Variants in AGBL4 observed in about 807,000 individuals in gnomAD.
AGBL4 encodes the protein AGBL carboxypeptidase 4, also known as cytosolic carboxypeptidase 6.
In AGBL4, 58 loss-of-function variants were observed where a neutral mutation model predicts 66.4. The observed-to-expected ratio is 0.87, with a 90% confidence interval of 0.71 to 1.09. The LOEUF (loss-of-function observed/expected upper bound fraction) is 1.09, where lower values mean the gene tolerates loss of function less well. Among genes scored for constraint, AGBL4 ranks in the 50% least tolerant of loss-of-function variants. AGBL4 has a pLI of 0.00. For missense variants in AGBL4, 579 were observed against 631.0 expected, an observed-to-expected ratio of 0.92 and a Z score of 0.88; for synonymous variants, 234 against 222.9, an observed-to-expected ratio of 1.05 and a Z score of -0.44.
chr1:48,668,893 A>G (rs1646232126), intron 6 of AGBL4, among the ~76,000 whole-genome samples: 2 of 152,216 alleles, frequency 1.3e-5, no homozygotes, highest in South Asian at 4.1e-4. Flanking sequence ...ATATCAATAG[A>G]GCTTTCCTGG....
At chr1:49,591,557 T>C (rs1482659793) in intron 3 of AGBL4, among the ~76,000 whole-genome samples, 1 of 152,058 alleles carries the variant, frequency 6.6e-6, no homozygotes, top group African/African-American at 2.4e-5. Flanking sequence ...AAACTACCAA[T>C]GACATTCTTC....
intron 3 of AGBL4, among the ~76,000 whole-genome samples, chr1:49,654,089 C>T (rs1165470208): frequency 6.6e-6 from 1 of 152,084 alleles, no homozygotes; most frequent in African/African-American, 2.4e-5. Context: ...GCCAGGTCAC[C>T]TATAAAAGGA....
chr1:48,680,846 C>A (rs1451928443), intron 6 of AGBL4, among the ~76,000 whole-genome samples: 1 of 152,202 alleles, frequency 6.6e-6, no homozygotes, highest in Non-Finnish European at 1.5e-5. Context: ...GAGAGTGCAA[C>A]CTGGGGCAGA....
At chr1:49,374,876 G>A (rs2148560894) in intron 3 of AGBL4, among the ~76,000 whole-genome samples, 1 of 152,146 alleles carries the variant, frequency 6.6e-6, no homozygotes, top group South Asian at 2.1e-4. Context: ...CATACCTACA[G>A]TTAAACCTAT....
chr1:48,912,207 A>G (rs1653188557), intron 5 of AGBL4, among the ~76,000 whole-genome samples: 1 of 149,506 alleles, frequency 6.7e-6, no homozygotes, highest in Non-Finnish European at 1.5e-5. Flanking sequence ...CAATGTAAGC[A>G]TACCCTTAGA....
intron 4 of AGBL4, among the ~76,000 whole-genome samples, chr1:49,159,589 T>C (rs1474270056): frequency 1.3e-5 from 2 of 152,174 alleles, no homozygotes; most frequent in Non-Finnish European, 2.9e-5. Flanking sequence ...CTGTATTTCC[T>C]GAATTTGAAT....
chr1:48,945,572 A>G (rs1342413111), intron 5 of AGBL4, among the ~76,000 whole-genome samples: 1 of 152,252 alleles, frequency 6.6e-6, no homozygotes, highest in African/African-American at 2.4e-5. Flanking sequence ...AGTTGTGAGC[A>G]TTAAGTGAGA....
At chr1:49,894,491 G>C (rs1648973403) in intron 1 of AGBL4, among the ~76,000 whole-genome samples, 2 of 152,054 alleles carry the variant, frequency 1.3e-5, no homozygotes, top group African/African-American at 4.8e-5. Flanking sequence ...GCTGTTTTAA[G>C]GAAACTCGAA....
intron 6 of AGBL4, among the ~76,000 whole-genome samples, chr1:48,772,174 G>C (rs768167794): frequency 1.3e-5 from 2 of 152,226 alleles, no homozygotes; most frequent in Admixed American, 6.5e-5. Flanking sequence ...GGCAGGAAGA[G>C]AGGCACATTC....
In AGBL4 at chr1:49,436,779, C is replaced by T. The variant is rs1645913935; in HGVS notation, c.283-190915G>A. On this transcript the variant is annotated intron_variant, in intron 3 of 13. Transcript: ENST00000371839. ...TATTTAGACAGGCTAAGATTCCTAC[C>T]TTGTTCCCAGGAAGAGAATAAACGT... Among the ~76,000 whole-genome samples, 4 of 152,236 alleles carry T rather than the reference C, an allele frequency of 2.6e-5. No homozygotes were observed. The East Asian group carries it at 5.8e-4, about 22-fold the overall frequency.
intron 11 of AGBL4, among the ~76,000 whole-genome samples, chr1:48,568,131 T>G (rs892145152): frequency 6.6e-5 from 10 of 152,224 alleles, no homozygotes; most frequent in African/African-American, 2.4e-4. Flanking sequence ...TTTTTCTTTT[T>G]GGATCAAGCA....
intron 4 of AGBL4, chr1:49,187,248 A>G (rs1214088925): frequency 2.0e-5 from 3 of 152,166 alleles, no homozygotes; most frequent in Admixed American, 2.0e-4. Flanking sequence ...TCAGCACTGC[A>G]CTAGGATACT....
At chr1:49,975,719 C>G (rs960495040) in intron 1 of AGBL4, among the ~76,000 whole-genome samples, 4 of 152,138 alleles carry the variant, frequency 2.6e-5, no homozygotes, top group African/African-American at 9.7e-5. Flanking sequence ...CCCTCTAAAC[C>G]TGTAAAACAA....
chr1:49,869,932 T>C (rs1458788835), intron 1 of AGBL4, among the ~76,000 whole-genome samples: 3 of 152,166 alleles, frequency 2.0e-5, no homozygotes, highest in Admixed American at 6.6e-5. Flanking sequence ...ATTTCTTGTA[T>C]ATTTCAAATA....
chr1:49,382,428 T>C (rs1644638622), intron 3 of AGBL4, among the ~76,000 whole-genome samples: 1 of 151,726 alleles, frequency 6.6e-6, no homozygotes. Flanking sequence ...ATTCAGTTGA[T>C]AGAGAAAAAA....
chr1:49,804,491 A>G (rs529259505), intron 2 of AGBL4, among the ~76,000 whole-genome samples: 1 of 152,328 alleles, frequency 6.6e-6, no homozygotes, highest in Admixed American at 6.5e-5. Flanking sequence ...AACATTTATT[A>G]TGGAGTATAA....
chr1:49,699,560 G>T (rs1357299947), intron 2 of AGBL4, among the ~76,000 whole-genome samples: 1 of 151,940 alleles, frequency 6.6e-6, no homozygotes, highest in East Asian at 1.9e-4. Flanking sequence ...TGTGTTATAT[G>T]TAAATGGATT....
At chr1:49,480,358 G>A (rs933184333) in intron 3 of AGBL4, among the ~76,000 whole-genome samples, 3 of 151,816 alleles carry the variant, frequency 2.0e-5, no homozygotes, top group African/African-American at 7.3e-5. Context: ...ATCTCATTGT[G>A]GTTTTGATTT....
At chr1:48,616,441 T>C (rs191448749) in intron 9 of AGBL4, among the ~76,000 whole-genome samples, 7 of 152,250 alleles carry the variant, frequency 4.6e-5, no homozygotes, top group African/African-American at 1.4e-4. Context: ...TGGTACAGAA[T>C]AGTTCATAAT....
Sources: gnomAD v4.1 joint callset for allele counts (sites outside exome capture counted in the v4.1 genomes callset) on GRCh38, gnomAD v4.1.1 for gene constraint, MANE v1.5 for transcripts, NCBI Gene and HGNC (gene_info 2026-07-23, HGNC 2026-07-21) for gene names.